The following CAMK1 variants were observed in gnomAD, a reference collection of about 807,000 sequenced individuals.
CAMK1 encodes the protein calcium/calmodulin dependent protein kinase I, also known as calcium/calmodulin-dependent protein kinase type 1.
Under a neutral mutation model 49.1 loss-of-function variants are expected in CAMK1, and 39 were observed. The observed-to-expected ratio is 0.79, with a 90% CI of 0.62 to 1.04. CAMK1 has a LOEUF of 1.04. Among genes scored for constraint, CAMK1 ranks in the 50% least tolerant of loss-of-function variants. The pLI, the probability that CAMK1 is intolerant of heterozygous loss-of-function variation, is 0.00. For missense variants in CAMK1, 457 were observed against 472.2 expected, an observed-to-expected ratio of 0.97 and a Z score of 0.30; for synonymous variants, 192 against 185.2, an observed-to-expected ratio of 1.04 and a Z score of -0.30.
chr3:9,761,543 A>C lies in CAMK1; in HGVS notation c.557-7T>G. 6.2e-7 allele frequency: 1 copy of C among 1,613,332 alleles called. No individual in the cohort carries two copies. The highest frequency in any genetic ancestry group is 8.5e-7 in the Non-Finnish European group (1 of 1,179,518). On this transcript the variant is annotated splice_region_variant and splice_polypyrimidine_tract_variant and intron_variant, in intron 6 of 11. Transcript: ENST00000256460. ...TGGGCCAGGACTTCAGGGGCTGTGGAGGGAAGAGGACGTGGTGGTGACAAA... is the reference window on the plus strand; with the variant it reads ...TGGGCCAGGACTTCAGGGGCTGTGGCGGGAAGAGGACGTGGTGGTGACAAA...
Position 9,761,412 on chromosome 3 carries a change from G to A in CAMK1, c.632+49C>T, listed in dbSNP as rs539428579. 1.1e-4 allele frequency: 169 copies of A among 1,562,558 alleles called. 2 individuals are homozygous for A. The South Asian group carries it at 1.2e-3, about 11-fold the overall frequency. On this transcript the variant is annotated intron_variant, in intron 7 of 11. Coordinates refer to ENST00000256460, the MANE Select transcript of CAMK1 (RefSeq NM_003656.5). Reference sequence around the variant, plus strand: ...GAGGAAGGAAGAGAGGAAAGTAGGCGAGAGGACAACTCTGGAGCCACAGCC... The same window carrying A: ...GAGGAAGGAAGAGAGGAAAGTAGGCAAGAGGACAACTCTGGAGCCACAGCC...
chr3:9,758,057 CTA>C (rs763491535), intron 10 of CAMK1: 2 of 622,302 alleles, frequency 3.2e-6, no homozygotes, highest in Non-Finnish European at 5.2e-6. Context: ...GTATGTGTAT[CTA>C]TATATATAAA....
intron 10 of CAMK1, chr3:9,758,858 G>T: frequency 2.9e-6 from 1 of 344,470 alleles, no homozygotes; most frequent in Non-Finnish European, 5.6e-6. Flanking sequence ...TTGAACTCCT[G>T]ACCTCAGGTG....
At chr3:9,766,726 T>G (rs1303890366) in intron 2 of CAMK1, 2 of 739,376 alleles carry the variant, frequency 2.7e-6, no homozygotes, top group Non-Finnish European at 3.4e-6. Context: ...TAAGAAGTCA[T>G]AAGTCAAAGA....
chr3:9,767,685 A>T lies in CAMK1; in HGVS notation c.65T>A (p.Phe22Tyr), dbSNP rs1413223424. The T allele has an allele frequency of 6.2e-7, 1 of 1,614,110 alleles. No homozygotes were observed. Among genetic ancestry groups the T allele is most frequent in the Admixed American group, 1.7e-5 (1 of 60,018 alleles). ...QAEDIRDIYD[F>Y]RDVLGTGAFS... is the part of the protein sequence containing the mutation. Reference sequence around the variant, plus strand: ...GACTCACGTGCCCAGAACATCTCGGAAGTCGTAGATGTCTCTAATGTCCTC... The same window carrying T: ...GACTCACGTGCCCAGAACATCTCGGTAGTCGTAGATGTCTCTAATGTCCTC... The change falls in exon 2 of 12, where the codon TTC becomes TAC. Residue 22 changes from phenylalanine to tyrosine, a missense_variant. Coordinates refer to ENST00000256460, the MANE Select transcript of CAMK1 (RefSeq NM_003656.5).
chr3:9,766,814 T>C (rs1003599440), intron 2 of CAMK1: 2 of 190,264 alleles, frequency 1.1e-5, no homozygotes, highest in African/African-American at 4.8e-5. Context: ...GTTTCCAGTC[T>C]TGTCCCTCTC....
intron 3 of CAMK1, among the ~76,000 whole-genome samples, chr3:9,763,569 C>A (rs1484434108): frequency 6.6e-5 from 10 of 152,110 alleles, no homozygotes; most frequent in Admixed American, 6.5e-4. Flanking sequence ...GGTGAGAGAG[C>A]AGAGGGATAA....
chr3:9,757,506 C>G lies in CAMK1; in HGVS notation c.*33G>C. On this transcript the variant is annotated 3_prime_UTR_variant, in exon 12 of 12. Coordinates refer to ENST00000256460, the MANE Select transcript of CAMK1 (RefSeq NM_003656.5). This position sits in a 1 kb window ranked among gnomAD's most constrained non-coding sequence, Gnocchi z 4.5. Reference sequence around the variant, plus strand: ...GGAGCAGGCTGCCCCCAAGCCCTCCCACGCAGAGGATCATGACCCGAGGTC... The same window carrying G: ...GGAGCAGGCTGCCCCCAAGCCCTCCGACGCAGAGGATCATGACCCGAGGTC... 1 of 1,606,566 alleles carries G rather than the reference C, an allele frequency of 6.2e-7. No individual in the cohort carries two copies.
At chr3:9,759,309 G>C (rs142058092) in intron 10 of CAMK1, 179 bp downstream of exon 10, 3 of 1,594,156 alleles carry the variant, frequency 1.9e-6, no homozygotes, top group Non-Finnish European at 2.6e-6. Context: ...CTCTGGAATA[G>C]AGAAGGTGTT....
intron 3 of CAMK1, among the ~76,000 whole-genome samples, chr3:9,764,317 C>T (rs1032082645): frequency 2.0e-5 from 3 of 151,850 alleles, no homozygotes; most frequent in Admixed American, 6.6e-5. Context: ...TTTTTTGAGA[C>T]GGAGTTTTAC....
Sources: allele counts gnomAD v4.1 joint callset (sites outside exome capture counted in the v4.1 genomes callset), GRCh38; gene constraint gnomAD v4.1.1; non-coding constraint Gnocchi (gnomAD v3.1); transcripts MANE v1.5; gene names NCBI Gene and HGNC (gene_info 2026-07-23, HGNC 2026-07-21).